The following DPM1 variants were observed in gnomAD, a reference collection of about 807,000 sequenced individuals.
DPM1 encodes the protein dolichyl-phosphate mannosyltransferase subunit 1, catalytic.
DPM1 carries 27 observed loss-of-function variants against 39.0 expected under a neutral mutation model. That is an observed-to-expected ratio of 0.69 (90% CI 0.51 to 0.95). The LOEUF (loss-of-function observed/expected upper bound fraction) is 0.95, where lower values mean the gene tolerates loss of function less well. DPM1 is among the 40% of genes least tolerant of loss of function. DPM1 has a pLI of 0.00. For synonymous variants in DPM1, 124 were observed against 109.0 expected, an observed-to-expected ratio of 1.14 and a Z score of -0.86; for missense variants, 307 against 315.6, an observed-to-expected ratio of 0.97 and a Z score of 0.21.
rs1568756622 is a variant in DPM1 at position 50,935,123 on chromosome 20, ATC to A, written c.*7_*8del. On this transcript the variant is annotated 3_prime_UTR_variant, in exon 9 of 9. Coordinates refer to ENST00000371588, the MANE Select transcript of DPM1 (RefSeq NM_003859.3). ...GAAATGAACGTAACTATAAATGAGT[ATC>A]TTTCTTTTATGTAGTAGCAAAAAGA... 1 of 1,424,752 alleles carries A rather than the reference ATC, an allele frequency of 7.0e-7. No homozygotes were observed. Among genetic ancestry groups the A allele is most frequent in the East Asian group, 2.3e-5 (1 of 43,876 alleles). 88.3% of individuals were successfully genotyped at this position (1,424,752 alleles called of 1,614,324 possible).
chr20:50,958,382 C>A lies in DPM1; in HGVS notation c.142G>T (p.Val48Leu), dbSNP rs776470942. 1 of 1,613,918 alleles carries A rather than the reference C, an allele frequency of 6.2e-7. No homozygotes were observed. The highest frequency in any genetic ancestry group is 8.5e-7 in the Non-Finnish European group (1 of 1,180,040). ...CGCTACCTCTCGGAGAAGCTTTTCA[C>A]CAGCAGCCACACGATGAGCGGCAGG... ...ENLPLIVWLL[V>L]KSFSESGINY... Residue 48 changes from valine (V) to leucine (L), a missense_variant, in exon 1 of 9, where the codon GTG becomes TTG. By Grantham distance (32) the Val-to-Leu change is conservative. Around this residue, in one of 3 missense-constraint regions of DPM1, gnomAD observed 206 missense variants for 188.2 expected, o/e 1.09. Transcript: ENST00000371588.
At chr20:50,942,684 T>A (rs556014630) in intron 5 of DPM1, among the ~76,000 whole-genome samples, 2 of 151,920 alleles carry the variant, frequency 1.3e-5, no homozygotes, top group East Asian at 3.9e-4. Flanking sequence ...TTAAAATAAT[T>A]AATTTTCCCA....
chr20:50,951,371 T>G (rs968934427), intron 2 of DPM1, among the ~76,000 whole-genome samples: 12 of 152,194 alleles, frequency 7.9e-5, no homozygotes, highest in African/African-American at 2.9e-4. Context: ...CAGTTATGTT[T>G]TAAAAAACAA....
In DPM1 at chr20:50,940,875, CT is replaced by C. The variant is rs765704836; in HGVS notation, c.552del (p.Gly185GlufsTer11). On this transcript the variant is annotated frameshift_variant, in exon 7 of 9. Transcript: ENST00000371588. LOFTEE classifies it high-confidence loss of function. Reference sequence around the variant, plus strand: ...AAATTTTCACTGTACCTGAAACTTCCTGTTAAATCAGATGCTCCTGGTCTCA... The same window carrying C: ...AAATTTTCACTGTACCTGAAACTTCCGTTAAATCAGATGCTCCTGGTCTCA... ...ILLRPGASDL[T>X]GSFRLYRKEV... 6.2e-7 allele frequency: 1 copy of C among 1,613,722 alleles called. No homozygotes were observed. Among genetic ancestry groups the C allele is most frequent in the Admixed American group, 1.7e-5 (1 of 60,000 alleles).
intron 6 of DPM1, among the ~76,000 whole-genome samples, chr20:50,941,385 CAT>C (rs1491435380): frequency 2.8e-5 from 4 of 142,224 alleles, no homozygotes; most frequent in Non-Finnish European, 6.1e-5. Flanking sequence ...TATATATATT[CAT>C]ATATATATTC....
intron 7 of DPM1, among the ~76,000 whole-genome samples, chr20:50,940,214 G>A (rs1199110018): frequency 6.6e-6 from 1 of 151,540 alleles, no homozygotes; most frequent in Non-Finnish European, 1.5e-5. Context: ...GTATCAACTA[G>A]TAGAAATTAT....
intron 7 of DPM1, among the ~76,000 whole-genome samples, chr20:50,939,935 A>G (rs1985565607): frequency 6.6e-6 from 1 of 152,216 alleles, no homozygotes; most frequent in Admixed American, 6.5e-5. Context: ...ATCCGCAATC[A>G]GAGATCTTAA....
intron 2 of DPM1, among the ~76,000 whole-genome samples, chr20:50,951,977 T>A (rs1000484708): frequency 6.6e-6 from 1 of 152,186 alleles, no homozygotes; most frequent in Non-Finnish European, 1.5e-5. Flanking sequence ...GATCCTTTTT[T>A]GCCTCTTCAT....
chr20:50,934,926 C>T lies in DPM1; in HGVS notation c.*206G>A, dbSNP rs535804591. On this transcript the variant is annotated 3_prime_UTR_variant, in exon 9 of 9. Transcript: ENST00000371588. ...AGGTCTCAATACAGCAAAATGAAAACGAAAATTGAGAACATTGCTCATTAG... is the reference window on the plus strand; with the variant it reads ...AGGTCTCAATACAGCAAAATGAAAATGAAAATTGAGAACATTGCTCATTAG... 3.9e-5 allele frequency: 18 copies of T among 465,738 alleles called. No individual in the cohort carries two copies. The highest frequency in any genetic ancestry group is 2.7e-4 in the South Asian group (9 of 33,866). 28.9% of individuals were successfully genotyped at this position (465,738 alleles called of 1,614,324 possible).
chr20:50,941,385 C>CATATATATATTCATATTATATATATTA (rs1985803448), intron 6 of DPM1, among the ~76,000 whole-genome samples: 1 of 142,224 alleles, frequency 7.0e-6, no homozygotes, highest in African/African-American at 2.6e-5. Context: ...TATATATATT[C>CATATATATATTCATATTATATATATTA]ATATATATAT....
At chr20:50,955,763 C>A (rs1050243249) in intron 1 of DPM1, among the ~76,000 whole-genome samples, 2 of 152,164 alleles carry the variant, frequency 1.3e-5, no homozygotes, top group Non-Finnish European at 2.9e-5. Context: ...CGGGGTTTCA[C>A]CGTGTTAGCC....
chr20:50,945,941 T>G lies in DPM1; in HGVS notation c.296-18A>C. ...TGCAGTTCCTAAAAATGAAAGTAGA[T>G]CCATTCAAGAAAATCAACAGAAATC... is the stretch of plus-strand genomic sequence containing the variant. On this transcript the variant is annotated intron_variant, in intron 3 of 8. Coordinates refer to ENST00000371588, the MANE Select transcript of DPM1 (RefSeq NM_003859.3). The G allele has an allele frequency of 6.2e-7, 1 of 1,603,290 alleles. No homozygotes were observed. Among genetic ancestry groups the G allele is most frequent in the Non-Finnish European group, 8.5e-7 (1 of 1,170,956 alleles).
At position 50,958,518 on chromosome 20, in the gene DPM1, G is replaced by T; in HGVS notation, c.6C>A (p.Ala2=). 1.2e-6 allele frequency: 2 copies of T among 1,613,636 alleles called. No homozygotes were observed. The highest frequency in any genetic ancestry group is 1.7e-6 in the Non-Finnish European group (2 of 1,179,980). The stretch of plus-strand genomic sequence containing the variant: ...GAGGACTACGACTGACTTCCAAGGA[G>T]GCCATGGCGGAACTGAGCCAGATGC... M[A]SLEVSRSPRR... Residue 2 remains alanine, a synonymous_variant, in exon 1 of 9, where the codon GCC becomes GCA. Coordinates refer to ENST00000371588, the MANE Select transcript of DPM1 (RefSeq NM_003859.3).
chr20:50,936,256 G>A lies in DPM1; in HGVS notation c.570C>T (p.Tyr190=), dbSNP rs754109868. The change falls in exon 8 of 9, where the codon TAC becomes TAT. Residue 190 remains tyrosine, a synonymous_variant. Transcript: ENST00000371588. ...TTAATTTCTCTAGAACTTCTTTTCG[G>A]TATAATCTGTAAGAAATTAAAAATA... is the stretch of plus-strand genomic sequence containing the variant. The part of the protein sequence containing the change: ...ASDLTGSFRL[Y]RKEVLEKLIE... The A allele has an allele frequency of 1.2e-5, 19 of 1,583,660 alleles. No homozygotes were observed. The East Asian group carries it at 4.0e-4, about 34-fold the overall frequency.
At chr20:50,953,621 T>C (rs190815067) in intron 2 of DPM1, among the ~76,000 whole-genome samples, 3 of 152,356 alleles carry the variant, frequency 2.0e-5, no homozygotes, top group Non-Finnish European at 4.4e-5. Context: ...CAACTTTTTT[T>C]CTCATTTTGA....
intron 7 of DPM1, 97 bp downstream of exon 7, chr20:50,940,768 A>C: frequency 9.3e-7 from 1 of 1,071,354 alleles, no homozygotes; most frequent in Non-Finnish European, 1.4e-6. Context: ...TCCCAGAATA[A>C]AAACAAGGTA....
rs1986251500 is a variant in DPM1, at chr20:50,945,837, T to C, written c.372+10A>G. The C allele has an allele frequency of 6.2e-7, 1 of 1,612,502 alleles. No homozygotes were observed. On this transcript the variant is annotated intron_variant, in intron 4 of 8. Coordinates refer to ENST00000371588, the MANE Select transcript of DPM1 (RefSeq NM_003859.3). ...ACCATAAATAGCTAATAAAGAAACA[T>C]ACCACTTACATGGTGTGAGAGATCA...
chr20:50,942,920 G>GT (rs1484887945), intron 5 of DPM1, among the ~76,000 whole-genome samples: 4 of 152,234 alleles, frequency 2.6e-5, no homozygotes, highest in Non-Finnish European at 5.9e-5. Flanking sequence ...GCACACGCCT[G>GT]TAATCCCAGC....
At chr20:50,953,171 T>C (rs764642239) in intron 2 of DPM1, among the ~76,000 whole-genome samples, 10 of 152,212 alleles carry the variant, frequency 6.6e-5, no homozygotes, top group African/African-American at 2.4e-4. Flanking sequence ...CACAGAGCAG[T>C]TGAAGTCCTT....
Sources: allele counts gnomAD v4.1 joint callset (sites outside exome capture counted in the v4.1 genomes callset), GRCh38; gene constraint gnomAD v4.1.1; regional missense constraint gnomAD v4.1.1; transcripts MANE v1.5; gene names NCBI Gene and HGNC (gene_info 2026-07-23, HGNC 2026-07-21).